Variants in KATNAL1 observed in about 807,000 individuals in gnomAD.
The protein encoded by KATNAL1 is katanin catalytic subunit A1 like 1.
In KATNAL1, 32 loss-of-function variants were observed where a neutral mutation model predicts 55.2. That is an observed-to-expected ratio of 0.58 (90% CI 0.44 to 0.78). The LOEUF is 0.78. Among genes scored for constraint, KATNAL1 ranks in the 30% least tolerant of loss-of-function variants. The pLI, the probability that KATNAL1 is intolerant of heterozygous loss-of-function variation, is 0.00. For synonymous variants in KATNAL1, 193 were observed against 193.6 expected (o/e 1.00, Z 0.02); for missense variants, 466 against 600.9 (o/e 0.78, Z 2.35).
chr13:30,261,651 C>A (rs1300630744), intron 3 of KATNAL1, among the ~76,000 whole-genome samples: 1 of 152,152 alleles, frequency 6.6e-6, no homozygotes, highest in Non-Finnish European at 1.5e-5. Flanking sequence ...GGGATCAATT[C>A]AACAAGAACA....
intron 9 of KATNAL1, among the ~76,000 whole-genome samples, chr13:30,227,077 A>G (rs1875558893): frequency 7.2e-6 from 1 of 138,654 alleles, no homozygotes; most frequent in East Asian, 2.2e-4. Flanking sequence ...CTGTGTCACA[A>G]AATAAATAAA....
chr13:30,289,394 T>C (rs1222514444), intron 1 of KATNAL1, among the ~76,000 whole-genome samples: 1 of 152,266 alleles, frequency 6.6e-6, no homozygotes. Flanking sequence ...GTTACTTCAC[T>C]ATTGATAAAT....
intron 9 of KATNAL1, among the ~76,000 whole-genome samples, chr13:30,221,180 A>G (rs529402985): frequency 6.3e-4 from 96 of 152,318 alleles, no homozygotes; most frequent in Middle Eastern, 3.4e-3. Flanking sequence ...TGATCAAGGA[A>G]TATGTTACAA....
intron 1 of KATNAL1, among the ~76,000 whole-genome samples, chr13:30,284,202 T>G (rs915430451): frequency 2.6e-5 from 4 of 152,160 alleles, no homozygotes; most frequent in South Asian, 2.1e-4. Flanking sequence ...TTCTTTGAGG[T>G]TATCTGAATG....
rs554567246 is a variant in KATNAL1, at chr13:30,260,907, C to T, written c.324-5292G>A. On this transcript the variant is annotated intron_variant, in intron 3 of 10. Coordinates refer to ENST00000380615, the MANE Select transcript of KATNAL1 (RefSeq NM_032116.5). Reference sequence around the variant, plus strand: ...CTCCTCGAGAAGAGCAACTCCAAGACACATAATTGTCAGATTCACCAAAGT... The same window carrying T: ...CTCCTCGAGAAGAGCAACTCCAAGATACATAATTGTCAGATTCACCAAAGT... 3.1e-3 allele frequency among the ~76,000 whole-genome samples: 466 copies of T among 149,830 alleles called. 3 individuals carry two copies. The highest frequency in any genetic ancestry group is 0.011 in the African/African-American group (444 of 40,810).
chr13:30,217,245 G>A (rs536484801), intron 9 of KATNAL1, among the ~76,000 whole-genome samples: 61 of 152,304 alleles, frequency 4.0e-4, no homozygotes, highest in African/African-American at 1.4e-3. Flanking sequence ...GAGGTCAGGA[G>A]ATCGAGACCA....
intron 8 of KATNAL1, among the ~76,000 whole-genome samples, chr13:30,228,549 T>C (rs1209799310): frequency 6.6e-6 from 1 of 152,248 alleles, no homozygotes; most frequent in Non-Finnish European, 1.5e-5. Flanking sequence ...TTTTCCAATT[T>C]TAAACACCTA....
At chr13:30,255,135 C>T (rs1384210503) in intron 4 of KATNAL1, among the ~76,000 whole-genome samples, 2 of 152,068 alleles carry the variant, frequency 1.3e-5, no homozygotes, top group African/African-American at 2.4e-5. Flanking sequence ...TCATTTATTG[C>T]TCATTTCTAT....
At chr13:30,273,713 T>C (rs920508751) in intron 3 of KATNAL1, among the ~76,000 whole-genome samples, 3 of 152,218 alleles carry the variant, frequency 2.0e-5, no homozygotes, top group Non-Finnish European at 4.4e-5. Flanking sequence ...AATCTCAATC[T>C]GCCAATAGTA....
intron 4 of KATNAL1, among the ~76,000 whole-genome samples, chr13:30,242,746 C>T (rs1476545573): frequency 5.3e-5 from 8 of 151,796 alleles, no homozygotes; most frequent in African/African-American, 1.2e-4. Context: ...ATGACCTGCC[C>T]GAGAACCCAA....
At chr13:30,252,138 T>C (rs1010195870) in intron 4 of KATNAL1, among the ~76,000 whole-genome samples, 7 of 152,192 alleles carry the variant, frequency 4.6e-5, no homozygotes, top group Non-Finnish European at 8.8e-5. Context: ...TAGTTCACCA[T>C]CTATTTGCAG....
chr13:30,285,316 G>C (rs1295663672), intron 1 of KATNAL1, among the ~76,000 whole-genome samples: 1 of 103,382 alleles, frequency 9.7e-6, no homozygotes, highest in Non-Finnish European at 1.8e-5. Context: ...ACCTTAAATT[G>C]TAATAATCAC....
At chr13:30,251,380 G>C (rs957196586) in intron 4 of KATNAL1, among the ~76,000 whole-genome samples, 1 of 152,124 alleles carries the variant, frequency 6.6e-6, no homozygotes, top group East Asian at 1.9e-4. Context: ...ATTCATGTTG[G>C]TATCTAAGCC....
At chr13:30,293,010 TTGA>T (rs1882238728) in intron 1 of KATNAL1, among the ~76,000 whole-genome samples, 5 of 152,224 alleles carry the variant, frequency 3.3e-5, no homozygotes, top group Admixed American at 3.3e-4. Context: ...TCTAAAATTT[TTGA>T]TGATATGCTT....
At chr13:30,267,743 C>T (rs1879886968) in intron 3 of KATNAL1, among the ~76,000 whole-genome samples, 1 of 152,022 alleles carries the variant, frequency 6.6e-6, no homozygotes, top group Admixed American at 6.5e-5. Flanking sequence ...GCTGATCTTA[C>T]CATAAGGTAA....
intron 9 of KATNAL1, among the ~76,000 whole-genome samples, chr13:30,222,584 G>C (rs1874988805): frequency 6.6e-6 from 1 of 152,134 alleles, no homozygotes. Context: ...GATGCATACT[G>C]TAATTGCTAG....
At position 30,207,622 on chromosome 13, in the gene KATNAL1, C is replaced by G. The variant is rs913033015; in HGVS notation, c.*918G>C. On this transcript the variant is annotated 3_prime_UTR_variant, in exon 11 of 11. Transcript: ENST00000380615. Reference sequence around the variant, plus strand: ...TGTTGAAAGAAAAGTGAAAACACAGCCAGGCATGGTGGTGCGCACCTGTAA... The same window carrying G: ...TGTTGAAAGAAAAGTGAAAACACAGGCAGGCATGGTGGTGCGCACCTGTAA... The G allele has an allele frequency of 6.6e-6, 1 of 152,038 alleles. No homozygotes were observed. The highest frequency in any genetic ancestry group is 2.4e-5 in the African/African-American group (1 of 41,384). The allele number at this position is 152,038 out of a possible 1,614,324, so 9.4% of individuals were successfully genotyped here.
At chr13:30,288,132 T>C (rs1040238410) in intron 1 of KATNAL1, among the ~76,000 whole-genome samples, 13 of 152,206 alleles carry the variant, frequency 8.5e-5, no homozygotes, top group African/African-American at 2.9e-4. Context: ...TACATTCTAA[T>C]GTTTACCTTG....
intron 1 of KATNAL1, among the ~76,000 whole-genome samples, chr13:30,306,537 G>A (rs889788840): frequency 6.6e-6 from 1 of 152,144 alleles, no homozygotes; most frequent in Non-Finnish European, 1.5e-5. Flanking sequence ...AAAAATGCCA[G>A]ATACCACCAT....
Sources: gnomAD v4.1 joint callset for allele counts (sites outside exome capture counted in the v4.1 genomes callset) on GRCh38, gnomAD v4.1.1 for gene constraint, MANE v1.5 for transcripts, NCBI Gene and HGNC (gene_info 2026-07-23, HGNC 2026-07-21) for gene names.